Variants in RGS6 observed in about 807,000 individuals in gnomAD.
The protein encoded by RGS6 is regulator of G protein signaling 6.
A neutral mutation model predicts 78.5 loss-of-function variants in RGS6; 30 were observed. That is an observed-to-expected ratio of 0.38 (90% CI 0.29 to 0.52). The LOEUF (loss-of-function observed/expected upper bound fraction) is 0.52. Among genes scored for constraint, RGS6 ranks in the 20% least tolerant of loss-of-function variants. The pLI, the probability that RGS6 is intolerant of heterozygous loss-of-function variation, is 0.85. For missense variants in RGS6, 495 were observed against 609.7 expected (o/e 0.81, Z 1.98); for synonymous variants, 206 against 206.0 (o/e 1.00, Z 0.00).
chr14:71,875,568 A>T, the RGS6 span, among the ~76,000 whole-genome samples: 356 of 151,988 alleles, frequency 2.3e-3, no homozygotes, highest in Middle Eastern at 6.8e-3. Context: ...GCGGTCTATC[A>T]ATTTTGCTGA....
chr14:72,147,755 G>A (rs2096624908), intron 2 of RGS6, among the ~76,000 whole-genome samples: 1 of 152,202 alleles, frequency 6.6e-6, no homozygotes, highest in Admixed American at 6.5e-5. Flanking sequence ...CACCCAGAGG[G>A]CAAGGAAGAG....
At chr14:72,453,881 G>A (rs2153228780) in intron 3 of RGS6, among the ~76,000 whole-genome samples, 1 of 152,228 alleles carries the variant, frequency 6.6e-6, no homozygotes, top group East Asian at 1.9e-4. Context: ...GATTGAAAGG[G>A]GCAGAGCTAA....
At chr14:71,968,387 A>T (rs566774089) in intron 2 of RGS6, among the ~76,000 whole-genome samples, 1 of 152,330 alleles carries the variant, frequency 6.6e-6, no homozygotes, top group East Asian at 1.9e-4. Flanking sequence ...ATATCCAGAC[A>T]TAGTATGTGT....
chr14:72,000,292 A>G (rs1325209296), intron 2 of RGS6, among the ~76,000 whole-genome samples: 2 of 152,240 alleles, frequency 1.3e-5, no homozygotes, highest in Non-Finnish European at 2.9e-5. Flanking sequence ...GGACAGGGCA[A>G]CTTGTAAATG....
At chr14:71,934,078 A>G (rs2152927098) in intron 1 of RGS6, among the ~76,000 whole-genome samples, 1 of 152,300 alleles carries the variant, frequency 6.6e-6, no homozygotes, top group Non-Finnish European at 1.5e-5. Context: ...TTTCTGTAAG[A>G]TGTATATTCT....
the RGS6 span, among the ~76,000 whole-genome samples, chr14:72,614,222 C>T: frequency 1.3e-5 from 2 of 152,292 alleles, no homozygotes; most frequent in South Asian, 2.1e-4. Flanking sequence ...AGCTATGGAG[C>T]CCACCTTCTG....
At chr14:72,330,321 G>A (rs188945924) in intron 2 of RGS6, among the ~76,000 whole-genome samples, 119 of 152,358 alleles carry the variant, frequency 7.8e-4, no homozygotes, top group African/African-American at 2.7e-3. Context: ...TTCTGCAAAG[G>A]AGCAGGTATT....
chr14:72,555,344 C>T (rs2097558064), intron 17 of RGS6, among the ~76,000 whole-genome samples: 1 of 152,228 alleles, frequency 6.6e-6, no homozygotes, highest in Non-Finnish European at 1.5e-5. Context: ...CAGCTCAATG[C>T]AGTAACCAAA....
At chr14:71,954,963 A>G (rs548990564) in intron 1 of RGS6, among the ~76,000 whole-genome samples, 4 of 152,216 alleles carry the variant, frequency 2.6e-5, no homozygotes, top group African/African-American at 7.2e-5. Context: ...CTTACCTTTC[A>G]CCATGCGTTG....
intron 2 of RGS6, among the ~76,000 whole-genome samples, chr14:72,141,379 A>G (rs1362057096): frequency 6.6e-6 from 1 of 152,056 alleles, no homozygotes; most frequent in African/African-American, 2.4e-5. Context: ...GGAGCCTTGG[A>G]TCCTGTCAGA....
intron 4 of RGS6, among the ~76,000 whole-genome samples, chr14:72,456,155 TGAG>T (rs2095624281): frequency 6.6e-6 from 1 of 152,176 alleles, no homozygotes; most frequent in Non-Finnish European, 1.5e-5. Flanking sequence ...GAGAAGTGGC[TGAG>T]GAGAAGCTAA....
intron 3 of RGS6, among the ~76,000 whole-genome samples, chr14:72,387,474 A>G (rs558596554): frequency 2.0e-5 from 3 of 152,008 alleles, no homozygotes; most frequent in African/African-American, 4.8e-5. Flanking sequence ...GCGTGAACCC[A>G]GGAGGCAGAG....
chr14:71,989,391 C>G (rs1301944856), intron 2 of RGS6, among the ~76,000 whole-genome samples: 1 of 152,234 alleles, frequency 6.6e-6, no homozygotes, highest in Non-Finnish European at 1.5e-5. Flanking sequence ...CCAGGGCTAT[C>G]ACAACCTCAT....
intron 2 of RGS6, among the ~76,000 whole-genome samples, chr14:72,301,585 C>A (rs2066069315): frequency 6.6e-6 from 1 of 152,148 alleles, no homozygotes; most frequent in Non-Finnish European, 1.5e-5. Context: ...CAACGAAGTA[C>A]CACAAACTGA....
At chr14:72,349,473 T>G (rs530925047) in intron 2 of RGS6, among the ~76,000 whole-genome samples, 1 of 152,288 alleles carries the variant, frequency 6.6e-6, no homozygotes, top group African/African-American at 2.4e-5. Context: ...CTGCTCACTA[T>G]GAGGCCAAGG....
At chr14:72,080,344 T>C (rs111553122) in intron 2 of RGS6, among the ~76,000 whole-genome samples, 3 of 152,164 alleles carry the variant, frequency 2.0e-5, no homozygotes, top group Admixed American at 1.3e-4. Context: ...GAAATGTCTA[T>C]TGAGGTCCTT....
intron 2 of RGS6, among the ~76,000 whole-genome samples, chr14:72,220,411 A>G (rs1216381344): frequency 1.3e-5 from 2 of 152,182 alleles, no homozygotes; most frequent in East Asian, 3.8e-4. Context: ...TTTGCAACTA[A>G]GAGTAGTAAT....
At chr14:72,008,198 A>G (rs1198300985) in intron 2 of RGS6, among the ~76,000 whole-genome samples, 4 of 152,184 alleles carry the variant, frequency 2.6e-5, no homozygotes, top group Admixed American at 6.5e-5. Context: ...TATGGCAGTT[A>G]TCCTCTCCTT....
chr14:72,067,706 T>G (rs924924434), intron 2 of RGS6, among the ~76,000 whole-genome samples: 4 of 152,208 alleles, frequency 2.6e-5, no homozygotes, highest in Non-Finnish European at 4.4e-5. Context: ...AAATAAAGTT[T>G]ATTTTCAAAA....
Sources: gnomAD v4.1 joint callset for allele counts (sites outside exome capture counted in the v4.1 genomes callset) on GRCh38, gnomAD v4.1.1 for gene constraint, MANE v1.5 for transcripts, NCBI Gene and HGNC (gene_info 2026-07-23, HGNC 2026-07-21) for gene names.